The following MYOM3 variants were observed in gnomAD, a reference collection of about 807,000 sequenced individuals.
MYOM3 encodes myomesin-3.
Under a neutral mutation model 191.7 loss-of-function variants are expected in MYOM3, and 155 were observed. The observed-to-expected ratio is 0.81, with a 90% CI of 0.71 to 0.92. The LOEUF (loss-of-function observed/expected upper bound fraction) is 0.92, where lower values mean the gene tolerates loss of function less well. Among genes scored for constraint, MYOM3 ranks in the 40% least tolerant of loss-of-function variants. MYOM3 has a pLI of 0.00. For missense variants in MYOM3, 1,889 were observed against 1,890.6 expected, an observed-to-expected ratio of 1.00 and a Z score of 0.02; for synonymous variants, 757 against 762.9, an observed-to-expected ratio of 0.99 and a Z score of 0.13.
rs192320437 is a variant in MYOM3 at position 24,061,958 on chromosome 1, G to T, written c.3922C>A (p.Leu1308Ile). The T allele has an allele frequency of 8.1e-6, 13 of 1,614,196 alleles. No individual in the cohort carries two copies. The highest frequency in any genetic ancestry group is 1.0e-5 in the Non-Finnish European group (12 of 1,180,038). The change falls in exon 33 of 37, where the codon CTC (leucine) becomes ATC (isoleucine). Residue 1308 changes from leucine (L) to isoleucine (I), a missense_variant. Physicochemically the swap from Leu to Ile is conservative, Grantham distance 5. Transcript: ENST00000374434. The stretch of plus-strand genomic sequence containing the variant: ...GTGGATGGCTCACCTTGCCCTGAGA[G>T]ATCTGTTGAGAGCTGCCGGACTTCC... ...GKEVRQLSTD[L>I]SGQAFEDAMA...
In MYOM3 at chr1:24,062,016, C is replaced by T. The variant is rs746412936; in HGVS notation, c.3864G>A (p.Lys1288=). ...CAGCTATTTCCAGAGTGTATTTGCC[C>T]TTGTCTGAGTCTTTGGGGTCCAGGA... ...LHILDPKDSD[K]GKYTLEIAAG... is the part of the protein sequence containing the mutation. Residue 1288 remains lysine (K), a synonymous_variant, in exon 33 of 37, where the codon AAG becomes AAA. Transcript: ENST00000374434. 1 of 1,614,190 alleles carries T rather than the reference C, an allele frequency of 6.2e-7. No homozygotes were observed. Among genetic ancestry groups the T allele is most frequent in the South Asian group, 1.1e-5 (1 of 91,082 alleles).
chr1:24,064,663 A>C (rs879852989), intron 29 of MYOM3, among the ~76,000 whole-genome samples: 1 of 152,244 alleles, frequency 6.6e-6, no homozygotes, highest in African/African-American at 2.4e-5. Context: ...AACACTCAGC[A>C]AAGTAAGAAC....
At chr1:24,072,543 C>CT (rs1284593141) in intron 23 of MYOM3, among the ~76,000 whole-genome samples, 2 of 151,632 alleles carry the variant, frequency 1.3e-5, no homozygotes, top group South Asian at 2.1e-4. Flanking sequence ...TTCGTTTTTT[C>CT]TTTTTTTTGA....
intron 2 of MYOM3, 136 bp downstream of exon 2, chr1:24,108,340 A>T: frequency 1.0e-6 from 1 of 992,394 alleles, no homozygotes; most frequent in Non-Finnish European, 1.4e-6. Context: ...CCCCCCTCAG[A>T]CAGGGGGTTC....
At position 24,085,280 on chromosome 1, in the gene MYOM3, A is replaced by G. The variant is rs200738428; in HGVS notation, c.1799-641T>C. The stretch of plus-strand genomic sequence containing the variant: ...TAAATGGATGCATGGATGGATGGAT[A>G]GATGGATGGATGGATGGATGGATGG... On this transcript the variant is annotated intron_variant, in intron 15 of 36. Coordinates refer to ENST00000374434, the MANE Select transcript of MYOM3 (RefSeq NM_152372.4). 6.5e-4 allele frequency among the ~76,000 whole-genome samples: 90 copies of G among 137,696 alleles called. 1 individual carries two copies. The South Asian group carries it at 8.1e-3, about 12-fold the overall frequency. 90.3% of individuals were successfully genotyped at this position (137,696 alleles called of 152,430 possible).
chr1:24,061,419 TC>T, intron 33 of MYOM3, 110 bp from the exon 34 acceptor site: 1 of 1,081,280 alleles, frequency 9.2e-7, no homozygotes, highest in Non-Finnish European at 1.4e-6. Flanking sequence ...TCCACTCTCC[TC>T]CCCATGCCGA....
At position 24,095,435 on chromosome 1, in the gene MYOM3, GACTT is replaced by G; in HGVS notation, c.790+3_790+6del. On this transcript the variant is annotated splice_donor_5th_base_variant and intron_variant, in intron 8 of 36. Coordinates refer to ENST00000374434, the MANE Select transcript of MYOM3 (RefSeq NM_152372.4). ...TCCCAGGTCCCGTTCTCCCCCAGCC[GACTT>G]ACTTTTGAAGATCTCTGAATCGAAG... 1 of 1,611,950 alleles carries G rather than the reference GACTT, an allele frequency of 6.2e-7. No homozygotes were observed. Among genetic ancestry groups the G allele is most frequent in the Middle Eastern group, 1.7e-4 (1 of 6,060 alleles).
chr1:24,098,640 C>T (rs997716067), intron 6 of MYOM3, among the ~76,000 whole-genome samples: 3 of 152,172 alleles, frequency 2.0e-5, no homozygotes, highest in Non-Finnish European at 1.5e-5. Flanking sequence ...CCTTTTTGCC[C>T]CTGGTCACTC....
chr1:24,085,371 T>C (rs1047814383), intron 15 of MYOM3, among the ~76,000 whole-genome samples: 1 of 152,154 alleles, frequency 6.6e-6, no homozygotes, highest in Non-Finnish European at 1.5e-5. Context: ...GATAGATGGA[T>C]GAATAGATGG....
chr1:24,109,145 G>A (rs929094022), intron 1 of MYOM3, among the ~76,000 whole-genome samples: 4 of 152,114 alleles, frequency 2.6e-5, no homozygotes, highest in Admixed American at 6.5e-5. Flanking sequence ...TTCCTCTCCC[G>A]GCACACCCTT....
chr1:24,080,661 T>A (rs1018752253), intron 19 of MYOM3, among the ~76,000 whole-genome samples: 1 of 152,220 alleles, frequency 6.6e-6, no homozygotes. Flanking sequence ...AATATAGTGC[T>A]TTTGTGAGCA....
chr1:24,107,321 C>T (rs1385281989), intron 3 of MYOM3, 89 bp from the exon 4 acceptor site: 15 of 1,224,856 alleles, frequency 1.2e-5, no homozygotes, highest in Non-Finnish European at 2.2e-6. Flanking sequence ...CCCAGCAGTG[C>T]CAGGATGCTT....
intron 25 of MYOM3, among the ~76,000 whole-genome samples, chr1:24,070,212 T>TTGGG (rs1240177956): frequency 7.2e-5 from 11 of 152,214 alleles, no homozygotes; most frequent in Non-Finnish European, 1.6e-4. Context: ...ATGAATCGGT[T>TTGGG]TGACTTTAAG....
chr1:24,067,325 CTTCTTTCTTTCT>C lies in MYOM3; in HGVS notation c.3356-249_3356-238del, dbSNP rs796793986. ...CTTTCCTTCTTTCTTTCTTTCTTTC[CTTCTTTCTTTCT>C]TTCTTTCTTTCTTTCTTTCTTTCTT... is the stretch of plus-strand genomic sequence containing the variant. On this transcript the variant is annotated intron_variant, in intron 27 of 36. Transcript: ENST00000374434. 3.7e-3 allele frequency among the ~76,000 whole-genome samples: 219 copies of C among 58,864 alleles called. 2 individuals carry two copies. Among genetic ancestry groups the C allele is most frequent in the South Asian group, 8.3e-3 (14 of 1,678 alleles). The allele number at this position is 58,864 out of a possible 152,430, so 38.6% of individuals were successfully genotyped here.
rs369958383 is a variant in MYOM3 at position 24,107,215 on chromosome 1, C to T, written c.260G>A (p.Arg87His). The T allele has an allele frequency of 5.9e-5, 94 of 1,600,590 alleles. No individual in the cohort carries two copies. In the African/African-American group the frequency reaches 7.6e-4, roughly 13 times the overall value. ...SELSWEAQLR[R>H]QTSAVELEER... is the part of the protein sequence containing the mutation. ...CTCCAGCTCCACGGCAGAGGTCTGG[C>T]GTCTCAGCTGGGCTTCCCTGCCGTG... Residue 87 changes from arginine (R) to histidine (H), a missense_variant, in exon 4 of 37, where the codon CGC (arginine) becomes CAC (histidine). Arg to His is a conservative substitution (Grantham distance 29). Coordinates refer to ENST00000374434, the MANE Select transcript of MYOM3 (RefSeq NM_152372.4).
At chr1:24,092,368 C>G (rs573970177) in intron 10 of MYOM3, 53 bp from the exon 11 acceptor site, 2 of 1,328,418 alleles carry the variant, frequency 1.5e-6, no homozygotes, top group Non-Finnish European at 1.9e-6. Flanking sequence ...CATTTGGTGA[C>G]AGGCCCTTCC....
chr1:24,071,375 G>C (rs1465277944), intron 24 of MYOM3, 122 bp from the exon 25 acceptor site: 2 of 1,191,744 alleles, frequency 1.7e-6, no homozygotes. Flanking sequence ...GAACCTGAAG[G>C]AGACTGTACT....
rs977056599 is a variant in MYOM3 at position 24,063,362 on chromosome 1, G to A, written c.3662-128C>T. 8.8e-5 allele frequency: 122 copies of A among 1,387,170 alleles called. No homozygotes were observed. In the African/African-American group the frequency reaches 1.4e-3, roughly 16 times the overall value. The allele number at this position is 1,387,170 out of a possible 1,614,324, so 85.9% of individuals were successfully genotyped here. On this transcript the variant is annotated intron_variant, in intron 31 of 36. Transcript: ENST00000374434. This position sits in a 1 kb window ranked among gnomAD's most constrained non-coding sequence, Gnocchi z 4.5. ...GGGAAATGCAGTGCTGTGAAGAGGC[G>A]GGATTTTCTCTTCGGTGTTTGAGGT...
Position 24,092,931 on chromosome 1 carries a change from C to A in MYOM3, c.1090+16G>T. ...CTGGGCTCCTGCTGCTACCCTGCGC[C>A]CACCCATGCCCTCACCTCTCACAAG... On this transcript the variant is annotated intron_variant, in intron 10 of 36. Coordinates refer to ENST00000374434, the MANE Select transcript of MYOM3 (RefSeq NM_152372.4). 1 of 1,521,150 alleles carries A rather than the reference C, an allele frequency of 6.6e-7. No individual in the cohort carries two copies. Among genetic ancestry groups the A allele is most frequent in the Non-Finnish European group, 8.8e-7 (1 of 1,135,684 alleles). 94.2% of individuals were successfully genotyped at this position (1,521,150 alleles called of 1,614,324 possible).
Sources: gnomAD v4.1 joint callset for allele counts (sites outside exome capture counted in the v4.1 genomes callset) on GRCh38, gnomAD v4.1.1 for gene constraint, Gnocchi (gnomAD v3.1) non-coding constraint, MANE v1.5 for transcripts, NCBI Gene and HGNC (gene_info 2026-07-23, HGNC 2026-07-21) for gene names.